AXIN1: variants seen among roughly 807,000 people sequenced by gnomAD.
AXIN1 encodes axin 1.
In AXIN1, 30 loss-of-function variants were observed where a neutral mutation model predicts 76.4. The observed-to-expected ratio is 0.39, with a 90% CI of 0.29 to 0.53. The LOEUF is 0.53. Ranked by LOEUF, AXIN1 falls within the 20% of genes least tolerant of loss-of-function variation. AXIN1 has a pLI of 0.66. For missense variants in AXIN1, 1,140 were observed against 1,198.8 expected (o/e 0.95, Z 0.72); for synonymous variants, 545 against 501.4 (o/e 1.09, Z -1.16).
chr16:346,555 G>A lies in AXIN1; in HGVS notation c.471C>T (p.Ser157=), dbSNP rs1033765948. ...TCTTGGTGGCTGGCTTGGTCTGCCG[G>A]GACACGATGCCATTGTTATCAAGAA... The part of the protein sequence containing the change: ...KYILDNNGIV[S]RQTKPATKSF... Residue 157 remains serine, a synonymous_variant, in exon 2 of 11, where the codon TCC becomes TCT. Transcript: ENST00000262320. The A allele has an allele frequency of 1.2e-6, 2 of 1,613,768 alleles. No individual in the cohort carries two copies. The highest frequency in any genetic ancestry group is 1.7e-5 in the Admixed American group (1 of 59,972).
In AXIN1 at chr16:310,924, C is replaced by T. The variant is rs370170110; in HGVS notation, c.1020-855G>A. ...GGCAGCCAGGACAACCAGTGCCCCA[C>T]GGAAAGATAGGAGATGCCAAGGCTG... is the stretch of plus-strand genomic sequence containing the variant. On this transcript the variant is annotated intron_variant, in intron 3 of 10. Coordinates refer to ENST00000262320, the MANE Select transcript of AXIN1 (RefSeq NM_003502.4). Among the ~76,000 whole-genome samples the T allele has an allele frequency of 2.1e-4, 32 of 152,356 alleles. No homozygotes were observed. In the Middle Eastern group the frequency reaches 0.014, roughly 65 times the overall value.
intron 2 of AXIN1, among the ~76,000 whole-genome samples, chr16:341,729 A>G (rs2053927071): frequency 6.6e-6 from 1 of 152,208 alleles, no homozygotes; most frequent in Non-Finnish European, 1.5e-5. Flanking sequence ...GGACGTGGAG[A>G]ACCTTTATGT....
At position 297,109 on chromosome 16, in the gene AXIN1, C is replaced by T. The variant is rs777100425; in HGVS notation, c.1902G>A (p.Gln634=). 3 of 1,612,792 alleles carry T rather than the reference C, an allele frequency of 1.9e-6. No individual in the cohort carries two copies. The highest frequency in any genetic ancestry group is 2.5e-6 in the Non-Finnish European group (3 of 1,179,950). Residue 634 remains glutamine (Q), a synonymous_variant, in exon 7 of 11, where the codon CAG becomes CAA. Coordinates refer to ENST00000262320, the MANE Select transcript of AXIN1 (RefSeq NM_003502.4). The stretch of plus-strand genomic sequence containing the variant: ...TCTCCTTTTCCCCCTCAATGATCCA[C>T]TGCATGATTTTCTGGTTCTTCTCCG... ...EDAEKNQKIM[Q]WIIEGEKEIS... is the part of the protein sequence containing the mutation.
intron 2 of AXIN1, among the ~76,000 whole-genome samples, chr16:316,248 T>C (rs2053299427): frequency 6.6e-6 from 1 of 152,112 alleles, no homozygotes; most frequent in South Asian, 2.1e-4. Flanking sequence ...CAGCAGAGCC[T>C]AAAGGTAAAA....
At chr16:288,442 G>A (rs981587208) in intron 10 of AXIN1, 194 bp from the exon 11 acceptor site, 2 of 790,654 alleles carry the variant, frequency 2.5e-6, no homozygotes, top group African/African-American at 3.4e-5. Context: ...GAAGTGGGCA[G>A]CCATGGGGGG....
chr16:304,440 C>A lies in AXIN1; in HGVS notation c.1118G>T (p.Arg373Leu). ...GACCTCCTTCGGCACCCGGTACGTG[C>A]GCTGCGAGGGACAGGACTGTGAGGC... Reference protein sequence around the residue: ...NGRVPLPHIPRTYRVPKEVRV... With the variant: ...NGRVPLPHIPLTYRVPKEVRV... The change falls in exon 5 of 11, where the codon CGC becomes CTC. Residue 373 changes from arginine (R) to leucine (L), a missense_variant and splice_region_variant. By Grantham distance (102) the Arg-to-Leu change is moderately radical. Coordinates refer to ENST00000262320, the MANE Select transcript of AXIN1 (RefSeq NM_003502.4). The A allele has an allele frequency of 1.2e-6, 2 of 1,612,706 alleles. No individual in the cohort carries two copies. Among genetic ancestry groups the A allele is most frequent in the Non-Finnish European group, 1.7e-6 (2 of 1,179,968 alleles).
intron 1 of AXIN1, among the ~76,000 whole-genome samples, chr16:347,627 C>T (rs1381768505): frequency 1.3e-5 from 2 of 152,258 alleles, no homozygotes; most frequent in African/African-American, 2.4e-5. Flanking sequence ...AACCCCACGT[C>T]CTCCAGGCCC....
intron 2 of AXIN1, among the ~76,000 whole-genome samples, chr16:319,189 A>G (rs1213359927): frequency 6.6e-6 from 1 of 152,070 alleles, no homozygotes; most frequent in Non-Finnish European, 1.5e-5. Context: ...GGCTTTCTTT[A>G]GGGTCCGGTG....
intron 4 of AXIN1, among the ~76,000 whole-genome samples, chr16:307,889 A>G (rs1262451407): frequency 3.9e-5 from 6 of 152,178 alleles, no homozygotes; most frequent in Non-Finnish European, 4.4e-5. Context: ...GTTTCCCAGT[A>G]GCAGCAGTGA....
intron 5 of AXIN1, among the ~76,000 whole-genome samples, chr16:302,069 G>A (rs1007655429): frequency 6.6e-6 from 1 of 152,228 alleles, no homozygotes; most frequent in Non-Finnish European, 1.5e-5. Context: ...GGCCTCAGGT[G>A]CGCACAGCCA....
intron 1 of AXIN1, among the ~76,000 whole-genome samples, chr16:350,749 C>A (rs1393274202): frequency 6.6e-6 from 1 of 152,172 alleles, no homozygotes; most frequent in East Asian, 1.9e-4. Context: ...AAACTAGAAA[C>A]CCAAGACAAG....
chr16:312,688 A>C (rs531782107), intron 3 of AXIN1, among the ~76,000 whole-genome samples: 15 of 150,704 alleles, frequency 1.0e-4, no homozygotes, highest in Admixed American at 7.2e-4. Context: ...GGATGAAAGA[A>C]ACCAGGAGAA....
At chr16:303,962 T>A (rs1216637001) in intron 5 of AXIN1, among the ~76,000 whole-genome samples, 1 of 151,952 alleles carries the variant, frequency 6.6e-6, no homozygotes, top group African/African-American at 2.4e-5. Context: ...CCACACGGGG[T>A]GAAGAAGTTG....
rs1259681599 is a variant in AXIN1 at position 304,316 on chromosome 16, C to A, written c.1242G>T (p.Lys414Asn). 2 of 1,611,524 alleles carry A rather than the reference C, an allele frequency of 1.2e-6. No individual in the cohort carries two copies. The highest frequency in any genetic ancestry group is 2.7e-5 in the African/African-American group (2 of 74,822). Reference protein sequence around the residue: ...EAEEKLEERLKRVRMEEEGED... With the variant: ...EAEEKLEERLNRVRMEEEGED... ...GCGGCCCACTCACCATGCGCACGCG[C>A]TTCAGCCGCTCCTCCAGCTTCTCCT... Residue 414 changes from lysine to asparagine, a missense_variant, in exon 5 of 11, where the codon AAG becomes AAT. Physicochemically the swap from Lys to Asn is moderately conservative, Grantham distance 94. This residue lies in a region of AXIN1 where 708 missense variants were observed against 776.9 expected (regional missense o/e 0.91). Transcript: ENST00000262320.
At chr16:342,196 C>T (rs940386785) in intron 2 of AXIN1, among the ~76,000 whole-genome samples, 8 of 152,090 alleles carry the variant, frequency 5.3e-5, no homozygotes, top group African/African-American at 1.7e-4. Flanking sequence ...ACACTCACCG[C>T]GAAGATCTGC....
At chr16:320,448 A>G (rs544625091) in intron 2 of AXIN1, among the ~76,000 whole-genome samples, 6 of 152,274 alleles carry the variant, frequency 3.9e-5, no homozygotes, top group Middle Eastern at 3.4e-3. Context: ...ATAGGGGCGG[A>G]TAAAATCTAA....
intron 7 of AXIN1, among the ~76,000 whole-genome samples, chr16:296,327 G>C (rs902971685): frequency 6.6e-6 from 1 of 152,254 alleles, no homozygotes; most frequent in Admixed American, 6.5e-5. Context: ...GGGTGAGGGT[G>C]GGGGGCAGAT....
chr16:335,404 C>T (rs1012240957), intron 2 of AXIN1, among the ~76,000 whole-genome samples: 3 of 152,110 alleles, frequency 2.0e-5, no homozygotes, highest in Admixed American at 1.3e-4. Context: ...AGTATCATGG[C>T]ACGCTAATTA....
chr16:330,944 C>T (rs1403891693), intron 2 of AXIN1, among the ~76,000 whole-genome samples: 1 of 152,208 alleles, frequency 6.6e-6, no homozygotes, highest in East Asian at 1.9e-4. Flanking sequence ...GCAATCTGCC[C>T]TATTGCTCCA....
Sources: gnomAD v4.1 joint callset for allele counts (sites outside exome capture counted in the v4.1 genomes callset) on GRCh38, gnomAD v4.1.1 for gene constraint, gnomAD v4.1.1 regional missense constraint, MANE v1.5 for transcripts, NCBI Gene and HGNC (gene_info 2026-07-23, HGNC 2026-07-21) for gene names.